PKIB: variants seen among roughly 807,000 people sequenced by gnomAD.
PKIB encodes the protein PKI-beta.
Under a neutral mutation model 4.5 loss-of-function variants are expected in PKIB, and 2 were observed. That is an observed-to-expected ratio of 0.44 (90% confidence interval 0.18 to 1.39). The LOEUF (loss-of-function observed/expected upper bound fraction) is 1.39, where lower values mean the gene tolerates loss of function less well. Among genes scored for constraint, PKIB ranks in the 40% most tolerant of loss-of-function variants. The pLI, the probability that PKIB is intolerant of heterozygous loss-of-function variation, is 0.27. For synonymous variants in PKIB, 38 were observed against 36.0 expected (o/e 1.06, Z -0.20); for missense variants, 94 against 92.6 (o/e 1.02, Z -0.06).
At chr6:122,698,045 C>G (rs919426283) in intron 3 of PKIB, among the ~76,000 whole-genome samples, 1 of 152,042 alleles carries the variant, frequency 6.6e-6, no homozygotes, top group Non-Finnish European at 1.5e-5. Context: ...CATCCATTGC[C>G]AAGATAAATG....
At chr6:122,631,224 A>C (rs1775685807) in intron 1 of PKIB, among the ~76,000 whole-genome samples, 1 of 152,212 alleles carries the variant, frequency 6.6e-6, no homozygotes, top group South Asian at 2.1e-4. Flanking sequence ...CAGAGTTTGA[A>C]AAAGATGGCA....
chr6:122,651,126 C>T (rs557359477), intron 2 of PKIB, among the ~76,000 whole-genome samples: 1 of 152,308 alleles, frequency 6.6e-6, no homozygotes, highest in South Asian at 2.1e-4. Context: ...ATCATTACCC[C>T]TGCATCCTTC....
At chr6:122,700,017 G>A (rs1778734137) in intron 3 of PKIB, among the ~76,000 whole-genome samples, 1 of 152,066 alleles carries the variant, frequency 6.6e-6, no homozygotes, top group South Asian at 2.1e-4. Context: ...TTTGCCAATT[G>A]GTGCATTTCA....
At chr6:122,554,542 A>G (rs1006028058) in intron 2 of PKIB, among the ~76,000 whole-genome samples, 12 of 152,232 alleles carry the variant, frequency 7.9e-5, no homozygotes, top group Non-Finnish European at 1.0e-4. Context: ...TTATAAAGTT[A>G]TAAGATGGCC....
chr6:122,713,392 A>C (rs372791926), intron 3 of PKIB, among the ~76,000 whole-genome samples: 1 of 152,190 alleles, frequency 6.6e-6, no homozygotes, highest in African/African-American at 2.4e-5. Context: ...ATTTAAGCCC[A>C]GAAAATGAAA....
intron 3 of PKIB, among the ~76,000 whole-genome samples, chr6:122,593,156 C>T (rs996381700): frequency 2.6e-5 from 4 of 152,098 alleles, no homozygotes; most frequent in African/African-American, 7.2e-5. Context: ...ACACACCAGG[C>T]CAACTGTGTC....
intron 2 of PKIB, among the ~76,000 whole-genome samples, chr6:122,496,273 A>G (rs2114548179): frequency 6.6e-6 from 1 of 152,286 alleles, no homozygotes; most frequent in South Asian, 2.1e-4. Flanking sequence ...ACCCTAACCA[A>G]CACATTTATC....
chr6:122,714,089 G>A (rs1779383060), intron 3 of PKIB, among the ~76,000 whole-genome samples: 1 of 152,154 alleles, frequency 6.6e-6, no homozygotes, highest in Non-Finnish European at 1.5e-5. Context: ...AGTTTAAAGA[G>A]CCCAGCTAAG....
At chr6:122,659,161 A>C (rs1326625812) in intron 2 of PKIB, among the ~76,000 whole-genome samples, 1 of 152,172 alleles carries the variant, frequency 6.6e-6, no homozygotes, top group Non-Finnish European at 1.5e-5. Context: ...ACAAAGTTTA[A>C]AGATCTCTAG....
chr6:122,702,710 A>G (rs1344323392), intron 3 of PKIB, among the ~76,000 whole-genome samples: 2 of 152,092 alleles, frequency 1.3e-5, no homozygotes, highest in Admixed American at 6.6e-5. Flanking sequence ...ATTCGACAAA[A>G]ACGGTAAACA....
At chr6:122,643,417 T>C (rs563829491) in intron 2 of PKIB, 3 of 152,318 alleles carry the variant, frequency 2.0e-5, no homozygotes, top group Admixed American at 1.3e-4. Flanking sequence ...CACCACTCTA[T>C]CACCAATGTC....
chr6:122,661,920 T>C (rs1008414363), intron 2 of PKIB, among the ~76,000 whole-genome samples: 3 of 152,228 alleles, frequency 2.0e-5, no homozygotes, highest in Admixed American at 6.5e-5. Context: ...AACATGGTTT[T>C]AACTTGCAGT....
intron 2 of PKIB, among the ~76,000 whole-genome samples, chr6:122,528,104 A>C (rs982832788): frequency 1.3e-5 from 2 of 152,020 alleles, no homozygotes; most frequent in African/African-American, 4.8e-5. Context: ...TGGAAAAGTT[A>C]CTCTTTTATC....
At chr6:122,513,500 T>C (rs1047550332) in intron 2 of PKIB, among the ~76,000 whole-genome samples, 4 of 152,204 alleles carry the variant, frequency 2.6e-5, no homozygotes, top group Admixed American at 2.6e-4. Context: ...AGGGGGTATA[T>C]GTGCAGCTTT....
intron 2 of PKIB, among the ~76,000 whole-genome samples, chr6:122,572,897 C>T (rs1281544449): frequency 6.6e-6 from 1 of 152,038 alleles, no homozygotes; most frequent in Non-Finnish European, 1.5e-5. Flanking sequence ...TTCCTGGAAA[C>T]ATGTAATTCT....
At position 122,496,080 on chromosome 6, in the gene PKIB, TC is replaced by T. The variant is rs138630753; in HGVS notation, c.-248+18143del. ...GGGCACCAGGTACTTCACTGTCCAG[TC>T]CTTCACCCAAGACAACAGAAAGCAC... On this transcript the variant is annotated intron_variant, in intron 2 of 6. Transcript: ENST00000392491. Among the ~76,000 whole-genome samples, 336 of 152,272 alleles carry T rather than the reference TC, an allele frequency of 2.2e-3. 8 individuals carry two copies. In the East Asian group the frequency reaches 0.044, roughly 20 times the overall value.
chr6:122,590,498 T>A (rs1041623167), intron 3 of PKIB, among the ~76,000 whole-genome samples: 3 of 152,160 alleles, frequency 2.0e-5, no homozygotes, highest in African/African-American at 7.2e-5. Context: ...GAAAAGCAAT[T>A]AGCTCTGCAA....
At position 122,627,705 on chromosome 6, in the gene PKIB, C is replaced by T. The variant is rs139691041; in HGVS notation, c.-160-5578C>T. On this transcript the variant is annotated intron_variant, in intron 1 of 4. Coordinates refer to ENST00000368452, the MANE Select transcript of PKIB (RefSeq NM_181795.3). ...CAAACTAAAACACTTGGCTTATTACCCCAAATGGCCTTCATTCATTTTTCT... is the reference window on the plus strand; with the variant it reads ...CAAACTAAAACACTTGGCTTATTACTCCAAATGGCCTTCATTCATTTTTCT... Among the ~76,000 whole-genome samples, 165 of 152,216 alleles carry T rather than the reference C, an allele frequency of 1.1e-3. 1 individual carries two copies. The highest frequency in any genetic ancestry group is 1.3e-3 in the Non-Finnish European group (89 of 68,026).
intron 3 of PKIB, among the ~76,000 whole-genome samples, chr6:122,710,188 C>T (rs1186189288): frequency 6.6e-6 from 1 of 152,110 alleles, no homozygotes; most frequent in Non-Finnish European, 1.5e-5. Flanking sequence ...TCTATTGTGA[C>T]CACATTGGTA....
Sources: allele counts gnomAD v4.1 joint callset (sites outside exome capture counted in the v4.1 genomes callset), GRCh38; gene constraint gnomAD v4.1.1; transcripts MANE v1.5; gene names NCBI Gene and HGNC (gene_info 2026-07-23, HGNC 2026-07-21).